Variants in CMIP observed in about 807,000 individuals in gnomAD.
CMIP encodes the protein c-Maf inducing protein.
Under a neutral mutation model 97.3 loss-of-function variants are expected in CMIP, and 13 were observed. The observed-to-expected ratio is 0.13, with a 90% CI of 0.09 to 0.21. The LOEUF (loss-of-function observed/expected upper bound fraction) is 0.21, where lower values mean the gene tolerates loss of function less well. CMIP is among the 10% of genes least tolerant of loss of function. CMIP has a pLI of 1.00. For missense variants in CMIP, 847 were observed against 1,024.9 expected, an observed-to-expected ratio of 0.83 and a Z score of 2.37; for synonymous variants, 538 against 436.3, an observed-to-expected ratio of 1.23 and a Z score of -2.91.
In CMIP at chr16:81,525,976, ACG is replaced by A. The variant is rs1491222820; in HGVS notation, c.300+80436_300+80437del. On this transcript the variant is annotated intron_variant, in intron 1 of 20. Transcript: ENST00000537098. Reference sequence around the variant, plus strand: ...TTTTGTTTAAAGGTTGACTAATAATACGTGTGTGTGTGTGTGTGTGTGTGTGT... The same window carrying A: ...TTTTGTTTAAAGGTTGACTAATAATATGTGTGTGTGTGTGTGTGTGTGTGT... 3.6e-4 allele frequency among the ~76,000 whole-genome samples: 24 copies of A among 65,914 alleles called. No individual in the cohort carries two copies. In the East Asian group the frequency reaches 0.01, roughly 28 times the overall value. 43.2% of individuals were successfully genotyped at this position (65,914 alleles called of 152,430 possible).
chr16:81,663,919 A>G (rs956115348), intron 6 of CMIP, among the ~76,000 whole-genome samples: 1 of 152,106 alleles, frequency 6.6e-6, no homozygotes, highest in Non-Finnish European at 1.5e-5. Flanking sequence ...TTCCTTTTCC[A>G]GTGCCCCACA....
At chr16:81,512,392 C>T (rs1320450926) in intron 1 of CMIP, among the ~76,000 whole-genome samples, 1 of 152,170 alleles carries the variant, frequency 6.6e-6, no homozygotes, top group Non-Finnish European at 1.5e-5. Context: ...GCTCATGTTC[C>T]AGTGGGCACC....
chr16:81,693,457 T>A lies in CMIP; in HGVS notation c.1500T>A (p.Ile500=). Residue 500 remains isoleucine (I), a synonymous_variant, in exon 13 of 21, where the codon ATT becomes ATA. Coordinates refer to ENST00000537098, the MANE Select transcript of CMIP (RefSeq NM_198390.3). ...EKFTKELKYV[I]QRFAEDPRQE... is the part of the protein sequence containing the mutation. Reference sequence around the variant, plus strand: ...CTTCCAGGGAACTGAAGTACGTGATTCAGAGGTTCGCCGAAGACCCCAGGC... The same window carrying A: ...CTTCCAGGGAACTGAAGTACGTGATACAGAGGTTCGCCGAAGACCCCAGGC... The A allele has an allele frequency of 1.9e-6, 3 of 1,612,642 alleles. No homozygotes were observed. The highest frequency in any genetic ancestry group is 2.5e-6 in the Non-Finnish European group (3 of 1,179,372).
At chr16:81,487,523 C>T (rs191920048) in intron 1 of CMIP, among the ~76,000 whole-genome samples, 4 of 152,296 alleles carry the variant, frequency 2.6e-5, no homozygotes, top group Admixed American at 6.5e-5. Flanking sequence ...CAGCATGGCC[C>T]GCGTGGCTTC....
chr16:81,705,371 G>C lies in CMIP; in HGVS notation c.2092-128G>C. Reference sequence around the variant, plus strand: ...GGACGTGAACGCAGCCCAGACCCCAGGGCTTGGTGGGCCATGGGCCTCAGA... The same window carrying C: ...GGACGTGAACGCAGCCCAGACCCCACGGCTTGGTGGGCCATGGGCCTCAGA... On this transcript the variant is annotated intron_variant, in intron 18 of 20. Transcript: ENST00000537098. The C allele has an allele frequency of 4.6e-6, 3 of 650,748 alleles. No homozygotes were observed. In the South Asian group the frequency reaches 5.9e-5, roughly 13 times the overall value. 40.3% of individuals were successfully genotyped at this position (650,748 alleles called of 1,614,324 possible). A position where few individuals can be genotyped will look rare whatever the true frequency, so the allele number is the denominator to read the frequency against.
chr16:81,607,351 C>A (rs1016189873), intron 1 of CMIP, among the ~76,000 whole-genome samples: 1 of 152,216 alleles, frequency 6.6e-6, no homozygotes, highest in Non-Finnish European at 1.5e-5. Context: ...CACCTCCAAA[C>A]GTGTGGGTGG....
At chr16:81,609,100 T>G (rs2091788905) in intron 2 of CMIP, among the ~76,000 whole-genome samples, 1 of 152,194 alleles carries the variant, frequency 6.6e-6, no homozygotes, top group South Asian at 2.1e-4. Context: ...TGCCCCAGTC[T>G]GCTTTCTTCT....
intron 1 of CMIP, among the ~76,000 whole-genome samples, chr16:81,470,733 C>T (rs999160127): frequency 2.6e-5 from 4 of 152,214 alleles, no homozygotes; most frequent in South Asian, 2.1e-4. Context: ...GCTGGGATTA[C>T]GAGCATGAGC....
At chr16:81,572,964 C>G (rs12918645) in intron 1 of CMIP, among the ~76,000 whole-genome samples, 67,176 of 152,068 alleles carry the variant, frequency 0.44, 15,946 homozygotes, top group Non-Finnish European at 0.53. Flanking sequence ...GCAAGTTTCA[C>G]ACTGAGAGAG....
chr16:81,546,007 G>A (rs1193053434), intron 1 of CMIP, among the ~76,000 whole-genome samples: 3 of 152,190 alleles, frequency 2.0e-5, no homozygotes, highest in Non-Finnish European at 4.4e-5. Context: ...GGCGGTGGGT[G>A]GGGAAAACGC....
chr16:81,608,622 C>T (rs571929012), intron 2 of CMIP, among the ~76,000 whole-genome samples: 3 of 152,222 alleles, frequency 2.0e-5, no homozygotes, highest in Admixed American at 2.0e-4. Flanking sequence ...GCCCAGGTCT[C>T]GGATTGGTAG....
chr16:81,563,525 C>T (rs1004242918), intron 1 of CMIP, among the ~76,000 whole-genome samples: 5 of 152,326 alleles, frequency 3.3e-5, no homozygotes, highest in Middle Eastern at 3.4e-3. Flanking sequence ...CACACTGACA[C>T]GTACCGCATT....
intron 4 of CMIP, among the ~76,000 whole-genome samples, chr16:81,653,547 G>A (rs1188683604): frequency 1.3e-5 from 2 of 152,362 alleles, no homozygotes; most frequent in East Asian, 3.9e-4. Flanking sequence ...TCACAGAGTG[G>A]CTGGAATTCT....
At chr16:81,545,437 T>G (rs1424209449) in intron 1 of CMIP, among the ~76,000 whole-genome samples, 1 of 152,158 alleles carries the variant, frequency 6.6e-6, no homozygotes, top group Non-Finnish European at 1.5e-5. Context: ...AAAGGGACCG[T>G]GCACACAACA....
intron 4 of CMIP, among the ~76,000 whole-genome samples, chr16:81,656,467 A>G (rs910015175): frequency 1.3e-5 from 2 of 152,220 alleles, no homozygotes; most frequent in Non-Finnish European, 2.9e-5. Flanking sequence ...CCACCAAAAC[A>G]GACAAGCAAA....
At chr16:81,549,391 C>T (rs920207122) in intron 1 of CMIP, among the ~76,000 whole-genome samples, 2 of 152,164 alleles carry the variant, frequency 1.3e-5, no homozygotes, top group East Asian at 1.9e-4. Flanking sequence ...ACTTTGTCAC[C>T]CATGAGGTCA....
At chr16:81,653,811 C>G (rs533356677) in intron 4 of CMIP, among the ~76,000 whole-genome samples, 1 of 152,254 alleles carries the variant, frequency 6.6e-6, no homozygotes. Context: ...CAAGGTTTCA[C>G]CGTGTTGGCC....
At chr16:81,692,474 CA>C (rs1188482957) in intron 11 of CMIP, among the ~76,000 whole-genome samples, 1 of 152,198 alleles carries the variant, frequency 6.6e-6, no homozygotes, top group Non-Finnish European at 1.5e-5. Context: ...GAAATGCCTC[CA>C]GGTCTCTTTC....
At position 81,652,305 on chromosome 16, in the gene CMIP, C is replaced by G; in HGVS notation, c.580C>G (p.Leu194Val). The G allele has an allele frequency of 6.2e-7, 1 of 1,613,974 alleles. No homozygotes were observed. The highest frequency in any genetic ancestry group is 8.5e-7 in the Non-Finnish European group (1 of 1,179,846). ...TLVDMALTSP[L>V]QDDSINQAPL... Reference sequence around the variant, plus strand: ...GGTGGACATGGCCCTGACATCCCCCCTGCAGGATGACTCCATCAACCAGGC... The same window carrying G: ...GGTGGACATGGCCCTGACATCCCCCGTGCAGGATGACTCCATCAACCAGGC... The change falls in exon 4 of 21, where the codon CTG becomes GTG. Residue 194 changes from leucine to valine, a missense_variant. Around this residue, in one of 4 missense-constraint regions of CMIP, gnomAD observed 285 missense variants for 392.2 expected, o/e 0.73. Transcript: ENST00000537098. This position sits in a 1 kb window ranked among gnomAD's most constrained non-coding sequence, Gnocchi z 5.2.
Sources: gnomAD v4.1 joint callset for allele counts (sites outside exome capture counted in the v4.1 genomes callset) on GRCh38, gnomAD v4.1.1 for gene constraint, gnomAD v4.1.1 regional missense constraint, Gnocchi (gnomAD v3.1) non-coding constraint, MANE v1.5 for transcripts, NCBI Gene and HGNC (gene_info 2026-07-23, HGNC 2026-07-21) for gene names.